Variants in SMU1 observed in about 807,000 individuals in gnomAD.
SMU1 encodes SMU1 DNA replication regulator and spliceosomal factor, also known as WD40 repeat-containing protein SMU1.
Under a neutral mutation model 62.0 loss-of-function variants are expected in SMU1, and 2 were observed. The ratio of observed to expected loss-of-function variants is 0.03; its 90% CI spans 0.01 to 0.10. SMU1 has a LOEUF of 0.10. SMU1 is among the 10% of genes least tolerant of loss of function. The pLI, the probability that SMU1 is intolerant of heterozygous loss-of-function variation, is 1.00. For synonymous variants in SMU1, 188 were observed against 212.4 expected (o/e 0.89, Z 1.00); for missense variants, 227 against 622.1 (o/e 0.36, Z 6.76).
At chr9:33,058,518 T>C in intron 6 of SMU1, among the ~76,000 whole-genome samples, 1 of 152,142 alleles carries the variant, frequency 6.6e-6, no homozygotes, top group East Asian at 1.9e-4. Flanking sequence ...GGTTTCATCA[T>C]GTTAGCCAGG....
At chr9:33,067,286 T>G (rs1388479019) in intron 4 of SMU1, among the ~76,000 whole-genome samples, 2 of 131,316 alleles carry the variant, frequency 1.5e-5, no homozygotes, top group Admixed American at 8.2e-5. Flanking sequence ...AGAAAGTTAG[T>G]TGCTAATGAC....
At chr9:33,075,741 A>G (rs1839538072) in intron 1 of SMU1, among the ~76,000 whole-genome samples, 1 of 152,154 alleles carries the variant, frequency 6.6e-6, no homozygotes, top group South Asian at 2.1e-4. Context: ...TCCTATGAAA[A>G]GTCTCCAAAA....
chr9:33,057,857 TAGTA>T, intron 6 of SMU1, 143 bp from the exon 7 acceptor site: 1 of 892,650 alleles, frequency 1.1e-6, no homozygotes, highest in South Asian at 2.0e-5. Context: ...TACACGTTCC[TAGTA>T]AGTAACTAGT....
intron 4 of SMU1, among the ~76,000 whole-genome samples, chr9:33,064,922 T>C (rs534327390): frequency 6.6e-6 from 1 of 152,248 alleles, no homozygotes; most frequent in African/African-American, 2.4e-5. Flanking sequence ...TTTCTATTTT[T>C]AGTAGACACA....
chr9:33,071,937 A>G, intron 2 of SMU1, 45 bp from the exon 3 acceptor site: 3 of 1,475,726 alleles, frequency 2.0e-6, no homozygotes, highest in Non-Finnish European at 2.7e-6. Context: ...ATGTTTCAAC[A>G]CACCGTCTTA....
At chr9:33,068,170 A>G (rs1444582195) in intron 4 of SMU1, among the ~76,000 whole-genome samples, 1 of 152,198 alleles carries the variant, frequency 6.6e-6, no homozygotes, top group Non-Finnish European at 1.5e-5. Flanking sequence ...GTAAATGAGA[A>G]AGCCTGGATT....
chr9:33,063,696 C>T lies in SMU1; in HGVS notation c.502-1519G>A, dbSNP rs567067617. Among the ~76,000 whole-genome samples the T allele has an allele frequency of 3.3e-5, 5 of 149,836 alleles. No individual in the cohort carries two copies. The East Asian group carries it at 5.8e-4, about 17-fold the overall frequency. On this transcript the variant is annotated intron_variant, in intron 4 of 11. Transcript: ENST00000397149. ...GGAGCATGAACCCTATTTTGAAATG[C>T]GCATGCGAGGGATCTAGGATGCATG...
chr9:33,057,879 G>T, intron 6 of SMU1, 165 bp from the exon 7 acceptor site: 1 of 245,006 alleles, frequency 4.1e-6, no homozygotes, highest in Non-Finnish European at 6.5e-6. Context: ...AGTTCCCAGT[G>T]ATATTGCCGG....
At chr9:33,048,362 G>T in intron 10 of SMU1, 104 bp from the exon 11 acceptor site, 10 of 1,429,290 alleles carry the variant, frequency 7.0e-6, no homozygotes, top group Non-Finnish European at 9.5e-6. Context: ...TTGCACTTTG[G>T]TTTACTATCA....
chr9:33,053,525 C>T (rs887948470), intron 9 of SMU1, among the ~76,000 whole-genome samples: 1 of 152,190 alleles, frequency 6.6e-6, no homozygotes, highest in African/African-American at 2.4e-5. Context: ...TCCAAGGATA[C>T]TCAAGTCCCA....
At chr9:33,050,033 T>C (rs1479849390) in intron 10 of SMU1, among the ~76,000 whole-genome samples, 1 of 152,048 alleles carries the variant, frequency 6.6e-6, no homozygotes, top group Non-Finnish European at 1.5e-5. Flanking sequence ...ATCCAAAATA[T>C]ACAAAAAACT....
rs1839194361 is a variant in SMU1 at position 33,047,127 on chromosome 9, GA to G, written c.*165del. ...AATACCTTAAAAATATATAAAAAAA[GA>G]AAGGGTAGTTGCTACTTAAACATGA... On this transcript the variant is annotated 3_prime_UTR_variant, in exon 12 of 12. Transcript: ENST00000397149. 1 of 529,538 alleles carries G rather than the reference GA, an allele frequency of 1.9e-6. No homozygotes were observed. Among genetic ancestry groups the G allele is most frequent in the Non-Finnish European group, 3.4e-6 (1 of 297,574 alleles). 32.8% of individuals were successfully genotyped at this position (529,538 alleles called of 1,614,324 possible).
At chr9:33,061,612 A>G (rs1587709852) in intron 5 of SMU1, among the ~76,000 whole-genome samples, 1 of 152,230 alleles carries the variant, frequency 6.6e-6, no homozygotes, top group Non-Finnish European at 1.5e-5. Flanking sequence ...AAACCACACC[A>G]TAGGAAGATA....
intron 2 of SMU1, 92 bp downstream of exon 2, chr9:33,073,504 G>A (rs1011318510): frequency 1.4e-5 from 11 of 812,332 alleles, no homozygotes; most frequent in African/African-American, 3.4e-5. Flanking sequence ...CAGCCCTACC[G>A]TGCTTGAAGG....
chr9:33,058,665 G>C (rs914944555), intron 6 of SMU1, among the ~76,000 whole-genome samples: 1 of 151,976 alleles, frequency 6.6e-6, no homozygotes, highest in Admixed American at 6.6e-5. Context: ...ATAGCTATAT[G>C]GGGAAAAAAC....
At chr9:33,049,010 AG>A (rs1264726225) in intron 10 of SMU1, among the ~76,000 whole-genome samples, 1 of 152,278 alleles carries the variant, frequency 6.6e-6, no homozygotes, top group Non-Finnish European at 1.5e-5. Flanking sequence ...GTTCATGAAC[AG>A]GAAGACTCAA....
At chr9:33,061,877 C>G (rs2119437911) in intron 5 of SMU1, among the ~76,000 whole-genome samples, 172 bp downstream of exon 5, 1 of 152,332 alleles carries the variant, frequency 6.6e-6, no homozygotes, top group East Asian at 1.9e-4. Flanking sequence ...GTGTACCACT[C>G]CCAGGCCACA....
chr9:33,057,762 C>A (rs747942404), intron 6 of SMU1, 48 bp from the exon 7 acceptor site: 4 of 1,606,002 alleles, frequency 2.5e-6, no homozygotes, highest in Non-Finnish European at 2.5e-6. Flanking sequence ...AAAGCCAAGA[C>A]CCCAGTTCTC....
In SMU1 at chr9:33,046,269, G is replaced by T. The variant is rs968775694; in HGVS notation, c.*1024C>A. On this transcript the variant is annotated 3_prime_UTR_variant, in exon 12 of 12. Transcript: ENST00000397149. Reference sequence around the variant, plus strand: ...GGAGATGCCAAAACTCTGAATTCTTGTAACGGATCCTGCAACTAGTTCTAT... The same window carrying T: ...GGAGATGCCAAAACTCTGAATTCTTTTAACGGATCCTGCAACTAGTTCTAT... 4 of 152,176 alleles carry T rather than the reference G, an allele frequency of 2.6e-5. No homozygotes were observed. Among genetic ancestry groups the T allele is most frequent in the Non-Finnish European group, 5.9e-5 (4 of 68,044 alleles). The allele number at this position is 152,176 out of a possible 1,614,324, so 9.4% of individuals were successfully genotyped here. A position where few individuals can be genotyped will look rare whatever the true frequency, so the allele number is the denominator to read the frequency against.
Sources: gnomAD v4.1 joint callset for allele counts (sites outside exome capture counted in the v4.1 genomes callset) on GRCh38, gnomAD v4.1.1 for gene constraint, MANE v1.5 for transcripts, NCBI Gene and HGNC (gene_info 2026-07-23, HGNC 2026-07-21) for gene names.